The following THSD4 variants were observed in gnomAD, a reference collection of about 807,000 sequenced individuals.
The protein encoded by THSD4 is thrombospondin type 1 domain containing 4.
Under a neutral mutation model 119.0 loss-of-function variants are expected in THSD4, and 69 were observed. That is an observed-to-expected ratio of 0.58 (90% CI 0.48 to 0.71). THSD4 has a LOEUF of 0.71. Among genes scored for constraint, THSD4 ranks in the 30% least tolerant of loss-of-function variants. The probability of loss-of-function intolerance (pLI) is 0.00; values close to 1 mark genes in which losing one functional copy is unlikely to be tolerated. For synonymous variants in THSD4, 524 were observed against 540.4 expected, an observed-to-expected ratio of 0.97 and a Z score of 0.42; for missense variants, 1,393 against 1,391.1, an observed-to-expected ratio of 1.00 and a Z score of -0.02.
chr15:71,593,620 G>A (rs902604748), intron 7 of THSD4, among the ~76,000 whole-genome samples: 12 of 152,070 alleles, frequency 7.9e-5, no homozygotes, highest in Admixed American at 3.9e-4. Context: ...ATCAGCTGGG[G>A]AATGGTGGCT....
intron 10 of THSD4, among the ~76,000 whole-genome samples, chr15:71,735,928 TTC>T (rs1164925296): frequency 1.7e-5 from 2 of 117,886 alleles, no homozygotes; most frequent in South Asian, 6.3e-4. Flanking sequence ...CTCTCTCACT[TTC>T]TGTCTCTATC....
At position 71,540,729 on chromosome 15, in the gene THSD4, C is replaced by CT. The variant is rs34631960; in HGVS notation, c.1153-119784dup. ...GGCATGAGCCACTGCACCTGGCCTCCTTTTTTTTTTTTTTTTTAAACGAGT... is the reference window on the plus strand; with the variant it reads ...GGCATGAGCCACTGCACCTGGCCTCCTTTTTTTTTTTTTTTTTTAAACGAGT... On this transcript the variant is annotated intron_variant, in intron 7 of 17. Transcript: ENST00000261862. Among the ~76,000 whole-genome samples the CT allele has an allele frequency of 5.0e-3, 550 of 110,652 alleles. 4 individuals carry two copies. The highest frequency in any genetic ancestry group is 7.7e-3 in the Non-Finnish European group (420 of 54,470). The allele number at this position is 110,652 out of a possible 152,430, so 72.6% of individuals were successfully genotyped here.
At chr15:71,729,003 G>C (rs986783313) in intron 9 of THSD4, 2 of 446,334 alleles carry the variant, frequency 4.5e-6, no homozygotes, top group South Asian at 5.1e-5. Context: ...CAAATCAGAG[G>C]CAAAACATGC....
chr15:71,136,639 G>A (rs550305258), intron 1 of THSD4, among the ~76,000 whole-genome samples: 18 of 152,026 alleles, frequency 1.2e-4, no homozygotes, highest in African/African-American at 4.4e-4. Context: ...TTTAGGCTGC[G>A]GGAGTTCCAG....
At chr15:71,500,565 G>A (rs949965981) in intron 7 of THSD4, among the ~76,000 whole-genome samples, 1 of 152,192 alleles carries the variant, frequency 6.6e-6, no homozygotes, top group African/African-American at 2.4e-5. Context: ...CTAATGTCAC[G>A]AAGGTTTTCC....
chr15:71,417,476 AT>A lies in THSD4; in HGVS notation c.1152+5661del, dbSNP rs1287401670. ...ATGGATTTCCAGTTTTCCCAGCACC[AT>A]TTTTTTTGAGGAGACTGTCCTTTTT... On this transcript the variant is annotated intron_variant, in intron 7 of 17. Coordinates refer to ENST00000261862, the MANE Select transcript of THSD4 (RefSeq NM_024817.3). 5.6e-5 allele frequency among the ~76,000 whole-genome samples: 6 copies of A among 107,118 alleles called. 3 individuals carry two copies. The highest frequency in any genetic ancestry group is 1.9e-4 in the African/African-American group (6 of 31,568). The allele number at this position is 107,118 out of a possible 152,430, so 70.3% of individuals were successfully genotyped here. A position where few individuals can be genotyped will look rare whatever the true frequency, so the allele number is the denominator to read the frequency against.
At chr15:71,613,668 C>T (rs1426756810) in intron 7 of THSD4, among the ~76,000 whole-genome samples, 3 of 152,142 alleles carry the variant, frequency 2.0e-5, no homozygotes, top group African/African-American at 7.2e-5. Flanking sequence ...GAATCCATAC[C>T]TTCACCAGCT....
At chr15:71,496,237 T>A (rs2140715282) in intron 7 of THSD4, among the ~76,000 whole-genome samples, 1 of 152,348 alleles carries the variant, frequency 6.6e-6, no homozygotes, top group East Asian at 1.9e-4. Context: ...TGTTTCTTCA[T>A]GGTACAACAA....
chr15:71,646,371 C>G (rs2050968357), intron 7 of THSD4, among the ~76,000 whole-genome samples: 1 of 152,166 alleles, frequency 6.6e-6, no homozygotes, highest in African/African-American at 2.4e-5. Context: ...GGCTCTTTCT[C>G]TCTTTTAACC....
chr15:71,342,299 A>G (rs899264646), intron 6 of THSD4: 3 of 166,624 alleles, frequency 1.8e-5, no homozygotes, highest in Admixed American at 5.6e-5. Flanking sequence ...CGGGGAGTGC[A>G]CAGTACTCAC....
At position 71,101,480 on chromosome 15, in the gene THSD4, A is replaced by G. The variant is rs142188532; in HGVS notation, c.-80+4474A>G. Among the ~76,000 whole-genome samples, 20 of 152,254 alleles carry G rather than the reference A, an allele frequency of 1.3e-4. No individual in the cohort carries two copies. The East Asian group carries it at 2.9e-3, about 22-fold the overall frequency. On this transcript the variant is annotated intron_variant, in intron 1 of 17. Transcript: ENST00000355327. ...ACATATTTCAAAGAACTTAAAATCT[A>G]TTATATTTTTCCAGGTATCTACCAT...
chr15:71,123,976 A>T (rs1161143293), intron 1 of THSD4, among the ~76,000 whole-genome samples: 1 of 152,180 alleles, frequency 6.6e-6, no homozygotes, highest in Non-Finnish European at 1.5e-5. Context: ...GCTCACTCAT[A>T]AATTACCCAC....
At chr15:71,338,060 A>C (rs1319682765) in intron 6 of THSD4, among the ~76,000 whole-genome samples, 2 of 152,176 alleles carry the variant, frequency 1.3e-5, no homozygotes, top group Non-Finnish European at 2.9e-5. Context: ...TCTATCATTA[A>C]ACTGTTCCCC....
intron 1 of THSD4, among the ~76,000 whole-genome samples, chr15:71,135,020 T>C (rs1596216135): frequency 6.9e-6 from 1 of 145,566 alleles, no homozygotes; most frequent in South Asian, 2.3e-4. Context: ...ATATACACCA[T>C]GGAATACTAT....
chr15:71,522,024 T>C (rs879436566), intron 7 of THSD4, among the ~76,000 whole-genome samples: 2 of 152,208 alleles, frequency 1.3e-5, no homozygotes, highest in African/African-American at 2.4e-5. Flanking sequence ...TTGAATGTAC[T>C]AATATAAAAT....
intron 3 of THSD4, among the ~76,000 whole-genome samples, chr15:71,213,252 G>A (rs949898047): frequency 6.6e-6 from 1 of 152,122 alleles, no homozygotes; most frequent in African/African-American, 2.4e-5. Flanking sequence ...CATTGCCTTT[G>A]TCTCTGTGTC....
At chr15:71,554,033 A>C (rs1595880680) in intron 7 of THSD4, among the ~76,000 whole-genome samples, 1 of 148,946 alleles carries the variant, frequency 6.7e-6, no homozygotes, top group Admixed American at 6.6e-5. Flanking sequence ...GAAGTCTTTC[A>C]TCTTTTTGTA....
intron 3 of THSD4, among the ~76,000 whole-genome samples, chr15:71,195,614 C>A (rs1174802075): frequency 2.0e-5 from 3 of 152,104 alleles, no homozygotes; most frequent in Non-Finnish European, 4.4e-5. Flanking sequence ...CCTTAGATAC[C>A]AGGTTAGGCG....
chr15:71,676,325 A>G (rs980979721), intron 8 of THSD4, among the ~76,000 whole-genome samples: 1 of 152,140 alleles, frequency 6.6e-6, no homozygotes, highest in Non-Finnish European at 1.5e-5. Flanking sequence ...TGTGTCGCCC[A>G]GGTTGGAGTG....
Sources: gnomAD v4.1 joint callset for allele counts (sites outside exome capture counted in the v4.1 genomes callset) on GRCh38, gnomAD v4.1.1 for gene constraint, MANE v1.5 for transcripts, NCBI Gene and HGNC (gene_info 2026-07-23, HGNC 2026-07-21) for gene names.